Variants in SLC66A1 observed in about 807,000 individuals in gnomAD.
SLC66A1 encodes the protein lysosomal amino acid transporter 1 homolog.
Under a neutral mutation model 33.0 loss-of-function variants are expected in SLC66A1, and 23 were observed. The ratio of observed to expected loss-of-function variants is 0.70; its 90% CI spans 0.50 to 0.99. The LOEUF (loss-of-function observed/expected upper bound fraction) is 0.99. SLC66A1 is among the 50% of genes least tolerant of loss of function. SLC66A1 has a pLI of 0.00. For synonymous variants in SLC66A1, 164 were observed against 175.5 expected (o/e 0.93, Z 0.52); for missense variants, 335 against 383.6 (o/e 0.87, Z 1.06).
At chr1:19,330,220 T>C (rs2093888722), downstream of SLC66A1, among the ~76,000 whole-genome samples, 2 of 152,052 alleles carry the variant, frequency 1.3e-5, no homozygotes, top group African/African-American at 4.8e-5. Flanking sequence ...CTTGTTGGCC[T>C]GATCTCACCC....
chr1:19,330,075 C>T (rs999987230), downstream of SLC66A1, among the ~76,000 whole-genome samples: 2 of 152,180 alleles, frequency 1.3e-5, no homozygotes, highest in Non-Finnish European at 2.9e-5. Context: ...TCCAGGGATC[C>T]TCCCACTCAG....
chr1:19,317,404 G>C (rs995503500), intron 1 of SLC66A1, among the ~76,000 whole-genome samples, 196 bp from the exon 2 acceptor site: 25 of 152,230 alleles, frequency 1.6e-4, no homozygotes, highest in African/African-American at 6.0e-4. Context: ...GCATGTGTCT[G>C]TAGTTGGCGT....
At chr1:19,330,665 G>A (rs56239997), downstream of SLC66A1, among the ~76,000 whole-genome samples, 1 of 152,094 alleles carries the variant, frequency 6.6e-6, no homozygotes, top group Non-Finnish European at 1.5e-5. Flanking sequence ...CTGGAGGTGG[G>A]TGTCTCGGGT....
At chr1:19,321,114 C>G (rs1301278628) in intron 2 of SLC66A1, among the ~76,000 whole-genome samples, 1 of 146,244 alleles carries the variant, frequency 6.8e-6, no homozygotes, top group Non-Finnish European at 1.5e-5. Context: ...GTTTTGGTGT[C>G]ATATCTAAGA....
chr1:19,325,398 T>A, intron 3 of SLC66A1, 97 bp from the exon 4 acceptor site: 1 of 805,372 alleles, frequency 1.2e-6, no homozygotes, highest in Non-Finnish European at 2.1e-6. Context: ...AGTGACTTGG[T>A]CCGGGTCACC....
chr1:19,317,063 A>G (rs943846692), intron 1 of SLC66A1, among the ~76,000 whole-genome samples: 1 of 146,042 alleles, frequency 6.8e-6, no homozygotes, highest in Non-Finnish European at 1.5e-5. Context: ...TCGTGGCTAC[A>G]ACCTGCTTTA....
At chr1:19,327,686 A>C in intron 7 of SLC66A1, 3 of 633,082 alleles carry the variant, frequency 4.7e-6, no homozygotes, top group Non-Finnish European at 3.0e-6. Context: ...AGAGGACACA[A>C]CGCTATCATC....
chr1:19,320,085 G>A (rs926052308), intron 2 of SLC66A1, among the ~76,000 whole-genome samples: 2 of 150,910 alleles, frequency 1.3e-5, no homozygotes, highest in African/African-American at 4.9e-5. Context: ...ATTTTTGGTA[G>A]AGCTGGGGCT....
At chr1:19,319,319 A>G (rs1030842794) in intron 2 of SLC66A1, among the ~76,000 whole-genome samples, 1 of 152,188 alleles carries the variant, frequency 6.6e-6, no homozygotes, top group Non-Finnish European at 1.5e-5. Flanking sequence ...CCTGCCAGCC[A>G]CTAGTCTACT....
intron 2 of SLC66A1, among the ~76,000 whole-genome samples, chr1:19,324,051 A>G (rs7544368): frequency 0.24 from 36,284 of 152,112 alleles, 4,654 homozygotes; most frequent in South Asian, 0.33. Context: ...TGGGAAAACA[A>G]CCAGGGGACC....
At chr1:19,333,530 A>G (rs984467227), downstream of SLC66A1, among the ~76,000 whole-genome samples, 3 of 152,028 alleles carry the variant, frequency 2.0e-5, no homozygotes, top group African/African-American at 7.2e-5. This position sits in a 1 kb window ranked among gnomAD's most constrained non-coding sequence, Gnocchi z 4.2. Context: ...GAAAGCCACA[A>G]CCTTCACCAC....
chr1:19,334,241 A>G (rs929706728), downstream of SLC66A1, among the ~76,000 whole-genome samples: 3 of 152,224 alleles, frequency 2.0e-5, no homozygotes, highest in African/African-American at 7.2e-5. Flanking sequence ...GTGAAGGGAA[A>G]GCTGAGGCAC....
At chr1:19,321,169 CTTTTTTTTTT>C (rs71577887) in intron 2 of SLC66A1, among the ~76,000 whole-genome samples, 5 of 82,114 alleles carry the variant, frequency 6.1e-5, no homozygotes, top group Admixed American at 5.1e-4. Context: ...CTTATCTCTT[CTTTTTTTTTT>C]TTTTTTTTTT....
chr1:19,330,004 T>G (rs553449510), downstream of SLC66A1, among the ~76,000 whole-genome samples: 1 of 152,268 alleles, frequency 6.6e-6, no homozygotes, highest in East Asian at 1.9e-4. Flanking sequence ...TTAAAATTTT[T>G]TAGCCCAGGC....
chr1:19,315,682 G>A (rs780630069), intron 1 of SLC66A1, among the ~76,000 whole-genome samples: 12 of 152,214 alleles, frequency 7.9e-5, no homozygotes, highest in Non-Finnish European at 1.6e-4. Flanking sequence ...CTTTCTGGCT[G>A]TGCAGTCATG....
intron 6 of SLC66A1, among the ~76,000 whole-genome samples, 169 bp from the exon 7 acceptor site, chr1:19,327,057 TG>T (rs1027137522): frequency 6.6e-6 from 1 of 152,080 alleles, no homozygotes; most frequent in African/African-American, 2.4e-5. Flanking sequence ...GGCTTGTCTG[TG>T]GGTGGGAGGA....
chr1:19,326,336 T>C lies in SLC66A1; in HGVS notation c.474T>C (p.Pro158=). The C allele has an allele frequency of 6.2e-7, 1 of 1,606,772 alleles. No individual in the cohort carries two copies. The highest frequency in any genetic ancestry group is 8.5e-7 in the Non-Finnish European group (1 of 1,179,660). ...LLSAAGPVAA[P]REAFRGRALL... ...GTGCTGCTGGGCCCGTGGCTGCCCC[T>C]AGGGAAGCCTTCCGGGGGCGGGCGC... Residue 158 remains proline, a synonymous_variant, in exon 5 of 8, where the codon CCT becomes CCC. Transcript: ENST00000375153.
chr1:19,326,452 C>T, intron 5 of SLC66A1, 65 bp downstream of exon 5: 1 of 1,611,406 alleles, frequency 6.2e-7, no homozygotes, highest in Non-Finnish European at 8.5e-7. Context: ...CTCCCCTGCA[C>T]AGCCTCATGG....
intron 2 of SLC66A1, among the ~76,000 whole-genome samples, chr1:19,319,315 A>C (rs4912070): frequency 0.31 from 46,554 of 152,152 alleles, 7,277 homozygotes; most frequent in Middle Eastern, 0.36. Context: ...AGTCCCTGCC[A>C]GCCACTAGTC....
Sources: gnomAD v4.1 joint callset for allele counts (sites outside exome capture counted in the v4.1 genomes callset) on GRCh38, gnomAD v4.1.1 for gene constraint, Gnocchi (gnomAD v3.1) non-coding constraint, MANE v1.5 for transcripts, NCBI Gene and HGNC (gene_info 2026-07-23, HGNC 2026-07-21) for gene names.